MAPK6: variants seen among roughly 807,000 people sequenced by gnomAD.
The protein encoded by MAPK6 is ERK-3.
In MAPK6, 19 loss-of-function variants were observed where a neutral mutation model predicts 59.3. The ratio of observed to expected loss-of-function variants is 0.32; its 90% CI spans 0.22 to 0.47. MAPK6 has a LOEUF of 0.47. Among genes scored for constraint, MAPK6 ranks in the 20% least tolerant of loss-of-function variants. The pLI, the probability that MAPK6 is intolerant of heterozygous loss-of-function variation, is 1.00. For missense variants in MAPK6, 724 were observed against 847.9 expected (o/e 0.85, Z 1.81); for synonymous variants, 316 against 290.3 (o/e 1.09, Z -0.90).
At chr15:52,016,788 G>A (rs1047474021), upstream of MAPK6, among the ~76,000 whole-genome samples, 1 of 152,166 alleles carries the variant, frequency 6.6e-6, no homozygotes, top group African/African-American at 2.4e-5. Context: ...GCTCATGCCT[G>A]TAATCCCAGC....
intron 1 of MAPK6, among the ~76,000 whole-genome samples, chr15:52,027,168 G>A (rs1332771021): frequency 3.3e-5 from 5 of 151,652 alleles, no homozygotes; most frequent in Admixed American, 6.6e-5. Context: ...CCTGGCCAGC[G>A]TGGTGAAACC....
intron 2 of MAPK6, among the ~76,000 whole-genome samples, chr15:51,984,546 G>A (rs900532577): frequency 7.1e-6 from 1 of 140,916 alleles, no homozygotes; most frequent in Non-Finnish European, 1.5e-5. Context: ...CTCGTGATCC[G>A]CCCGCCTCAG....
chr15:52,034,359 A>G (rs2031163056), intron 1 of MAPK6, among the ~76,000 whole-genome samples: 1 of 142,412 alleles, frequency 7.0e-6, no homozygotes, highest in Non-Finnish European at 1.5e-5. Flanking sequence ...TGTTACCCAT[A>G]CTGGAGCACG....
At chr15:52,025,608 C>G (rs1159801523) in intron 1 of MAPK6, among the ~76,000 whole-genome samples, 1 of 152,168 alleles carries the variant, frequency 6.6e-6, no homozygotes, top group Non-Finnish European at 1.5e-5. Context: ...CGAGACCATC[C>G]TAGCTAACAT....
chr15:52,038,772 G>A (rs1194905056), intron 1 of MAPK6, among the ~76,000 whole-genome samples: 1 of 152,084 alleles, frequency 6.6e-6, no homozygotes, highest in African/African-American at 2.4e-5. Flanking sequence ...GGGATCAAGC[G>A]TTATTATAAT....
intron 1 of MAPK6, among the ~76,000 whole-genome samples, chr15:52,023,735 C>T (rs2030638942): frequency 6.6e-6 from 1 of 152,230 alleles, no homozygotes; most frequent in South Asian, 2.1e-4. Context: ...CTTCAGCCTC[C>T]CGAGTAGCTG....
intron 2 of MAPK6, among the ~76,000 whole-genome samples, chr15:51,984,054 G>GA (rs913417173): frequency 9.3e-5 from 14 of 150,316 alleles, no homozygotes; most frequent in African/African-American, 2.7e-4. Flanking sequence ...GCAAATAGAT[G>GA]AAAAAAAATC....
At chr15:51,979,463 A>C (rs2057166652) in intron 1 of MAPK6, among the ~76,000 whole-genome samples, 1 of 151,810 alleles carries the variant, frequency 6.6e-6, no homozygotes, top group African/African-American at 2.4e-5. Flanking sequence ...GGAGGAAAAA[A>C]CATTCTGAAT....
intron 2 of MAPK6, among the ~76,000 whole-genome samples, chr15:51,993,257 G>C (rs148251380): frequency 1.3e-5 from 2 of 152,300 alleles, no homozygotes; most frequent in African/African-American, 2.4e-5. Flanking sequence ...TGGGAGCTCT[G>C]AGTCAGGAAC....
chr15:52,019,234 T>C lies in MAPK6; in HGVS notation c.-774T>C, dbSNP rs1366985010. On this transcript the variant is annotated 5_prime_UTR_variant, in exon 1 of 6. Transcript: ENST00000261845. ...CCCGCCCCCTCTTCCTCGCCCTCTCTCGCGGGTCGGGGTTACATGGCGGCG... is the reference window on the plus strand; with the variant it reads ...CCCGCCCCCTCTTCCTCGCCCTCTCCCGCGGGTCGGGGTTACATGGCGGCG... 4 of 151,658 alleles carry C rather than the reference T, an allele frequency of 2.6e-5. No individual in the cohort carries two copies. Among genetic ancestry groups the C allele is most frequent in the South Asian group, 4.2e-4 (2 of 4,806 alleles). 9.4% of individuals were successfully genotyped at this position (151,658 alleles called of 1,614,324 possible). A position where few individuals can be genotyped will look rare whatever the true frequency, so the allele number is the denominator to read the frequency against.
chr15:52,053,276 A>G (rs1456943260), intron 3 of MAPK6, among the ~76,000 whole-genome samples: 1 of 151,976 alleles, frequency 6.6e-6, no homozygotes, highest in Non-Finnish European at 1.5e-5. Flanking sequence ...GGGTTTCACC[A>G]TGTTGGCCAG....
chr15:51,998,708 T>TTTTTTTTTTTTTTTTTTTTTTGGGGGG, intron 2 of MAPK6, among the ~76,000 whole-genome samples: 1 of 122,550 alleles, frequency 8.2e-6, no homozygotes, highest in Non-Finnish European at 1.7e-5. Flanking sequence ...TTTTTTTTTT[T>TTTTTTTTTTTTTTTTTTTTTTGGGGGG]GAGACGGAGT....
chr15:51,996,483 C>T (rs980497906), intron 2 of MAPK6, among the ~76,000 whole-genome samples: 2 of 151,908 alleles, frequency 1.3e-5, no homozygotes, highest in African/African-American at 4.8e-5. Flanking sequence ...GCAACCTCCA[C>T]CTCTTGGATT....
In MAPK6 at chr15:52,064,906, A is replaced by G. The variant is rs781121113; in HGVS notation, c.2072A>G (p.Lys691Arg). Residue 691 changes from lysine (K) to arginine (R), a missense_variant, in exon 6 of 6, where the codon AAG becomes AGG. Coordinates refer to ENST00000261845, the MANE Select transcript of MAPK6 (RefSeq NM_002748.4). ...CACAGTCCAGTTGGGTCACCACTTAAGTCAATACAGGCCACATTAACACCT... is the reference window on the plus strand; with the variant it reads ...CACAGTCCAGTTGGGTCACCACTTAGGTCAATACAGGCCACATTAACACCT... ...QFHSPVGSPL[K>R]SIQATLTPSA... 3 of 1,611,992 alleles carry G rather than the reference A, an allele frequency of 1.9e-6. No homozygotes were observed. The South Asian group carries it at 3.3e-5, about 18-fold the overall frequency.
At chr15:52,047,613 T>A (rs1253201715) in intron 2 of MAPK6, among the ~76,000 whole-genome samples, 3 of 151,630 alleles carry the variant, frequency 2.0e-5, no homozygotes, top group Non-Finnish European at 2.9e-5. Context: ...CCCAAAATGC[T>A]AGGATTACAG....
intron 1 of MAPK6, among the ~76,000 whole-genome samples, chr15:52,031,531 A>G (rs1204005395): frequency 6.6e-6 from 1 of 152,166 alleles, no homozygotes; most frequent in Admixed American, 6.5e-5. Context: ...AACCTTGCTT[A>G]TATTCTTGTA....
chr15:52,015,887 CT>C (rs566009297), upstream of MAPK6, among the ~76,000 whole-genome samples: 41 of 132,230 alleles, frequency 3.1e-4, no homozygotes, highest in South Asian at 8.0e-3. Flanking sequence ...GTGAAACCCC[CT>C]CTCTACTAAA....
At position 52,046,533 on chromosome 15, in the gene MAPK6, C is replaced by A; in HGVS notation, c.73C>A (p.Pro25Thr). 1.2e-6 allele frequency: 2 copies of A among 1,614,004 alleles called. No individual in the cohort carries two copies. Among genetic ancestry groups the A allele is most frequent in the Middle Eastern group, 1.7e-4 (1 of 6,056 alleles). ...DLGSRYMDLKPLGCGGNGLVF... is the reference protein window; with the variant it reads ...DLGSRYMDLKTLGCGGNGLVF... ...GGGTTCTAGGTATATGGACTTAAAA[C>A]CATTGGGTTGTGGAGGCAATGGCTT... The change falls in exon 2 of 6, where the codon CCA (proline) becomes ACA (threonine). Residue 25 changes from proline (P) to threonine (T), a missense_variant. By Grantham distance (38) the Pro-to-Thr change is conservative (BLOSUM62 -1). This residue lies in a region of MAPK6 where 30 missense variants were observed against 55.3 expected (regional missense o/e 0.54). Transcript: ENST00000261845.
chr15:52,044,177 T>G lies in MAPK6; in HGVS notation c.-631-1653T>G, dbSNP rs553940339. Among the ~76,000 whole-genome samples, 82 of 151,590 alleles carry G rather than the reference T, an allele frequency of 5.4e-4. 1 individual carries two copies. Among genetic ancestry groups the G allele is most frequent in the Non-Finnish European group, 6.6e-4 (45 of 67,850 alleles). On this transcript the variant is annotated intron_variant, in intron 1 of 5. Transcript: ENST00000261845. Reference sequence around the variant, plus strand: ...TACAGAATTTTTAGGACTTTTTTTTTGGGGGGGCGGGCTAGGAGGGCTGAT... The same window carrying G: ...TACAGAATTTTTAGGACTTTTTTTTGGGGGGGGCGGGCTAGGAGGGCTGAT...
Sources: allele counts gnomAD v4.1 joint callset (sites outside exome capture counted in the v4.1 genomes callset), GRCh38; gene constraint gnomAD v4.1.1; regional missense constraint gnomAD v4.1.1; transcripts MANE v1.5; gene names NCBI Gene and HGNC (gene_info 2026-07-23, HGNC 2026-07-21).